NRBP1: variants seen among roughly 807,000 people sequenced by gnomAD.
The protein encoded by NRBP1 is nuclear receptor-binding protein.
Under a neutral mutation model 76.0 loss-of-function variants are expected in NRBP1, and 10 were observed. The observed-to-expected ratio is 0.13, with a 90% CI of 0.08 to 0.22. The LOEUF is 0.22. Ranked by LOEUF, NRBP1 falls within the 10% of genes least tolerant of loss-of-function variation. The pLI is 1.00. For synonymous variants in NRBP1, 235 were observed against 240.2 expected, an observed-to-expected ratio of 0.98 and a Z score of 0.20; for missense variants, 344 against 646.0, an observed-to-expected ratio of 0.53 and a Z score of 5.07.
intron 10 of NRBP1, 77 bp downstream of exon 10, chr2:27,437,437 G>C: frequency 9.5e-7 from 1 of 1,050,000 alleles, no homozygotes; most frequent in South Asian, 1.3e-5. Flanking sequence ...GTACCCACTG[G>C]GTATATGCTC....
chr2:27,436,778 T>C lies in NRBP1; in HGVS notation c.687T>C (p.His229=). Residue 229 remains histidine, a synonymous_variant, in exon 8 of 18, where the codon CAT becomes CAC. Coordinates refer to ENST00000379852, the MANE Select transcript of NRBP1 (RefSeq NM_013392.4). ...GSVAPDTINN[H]VKTCREEQKN... ...TGGCTCCTGACACTATCAACAATCA[T>C]GTGAAGACTTGTCGAGAAGAGCAGA... The C allele has an allele frequency of 2.5e-6, 4 of 1,614,130 alleles. No individual in the cohort carries two copies. Among genetic ancestry groups the C allele is most frequent in the Admixed American group, 3.3e-5 (2 of 60,022 alleles).
intron 7 of NRBP1, chr2:27,435,960 C>T (rs1273656895): frequency 3.3e-6 from 2 of 606,320 alleles, no homozygotes; most frequent in Admixed American, 2.8e-5. Flanking sequence ...GGCCACTTAC[C>T]TCCTGGATTC....
Position 27,441,770 on chromosome 2 carries a change from G to C in NRBP1, c.1566G>C (p.Arg522Ser), listed in dbSNP as rs1003536519. 1 of 1,613,944 alleles carries C rather than the reference G, an allele frequency of 6.2e-7. No individual in the cohort carries two copies. Residue 522 changes from arginine (R) to serine (S), a missense_variant, in exon 18 of 18, where the codon AGG becomes AGC. Physicochemically the swap from Arg to Ser is moderately radical, Grantham distance 110 (BLOSUM62 -1). Coordinates refer to ENST00000379852, the MANE Select transcript of NRBP1 (RefSeq NM_013392.4). Reference sequence around the variant, plus strand: ...CCTTGAACAAGTTCAATTTTGCCAGGAACAGTACCCTCAACTCAGCCGCTG... The same window carrying C: ...CCTTGAACAAGTTCAATTTTGCCAGCAACAGTACCCTCAACTCAGCCGCTG... ...EETLNKFNFA[R>S]NSTLNSAAVT...
intron 13 of NRBP1, 47 bp downstream of exon 13, chr2:27,440,749 T>C (rs763041833): frequency 6.2e-7 from 1 of 1,613,552 alleles, no homozygotes; most frequent in Non-Finnish European, 8.5e-7. Context: ...GCAGGCGGGG[T>C]TGGGTATCCT....
intron 10 of NRBP1, among the ~76,000 whole-genome samples, chr2:27,439,167 A>G (rs542836660): frequency 1.7e-3 from 262 of 152,232 alleles, no homozygotes; most frequent in African/African-American, 6.1e-3. Context: ...GTTGACTAAT[A>G]AAGCAGAGAG....
chr2:27,439,836 C>A lies in NRBP1; in HGVS notation c.974C>A (p.Pro325Gln). ...RPTARELLFH[P>Q]ALFEVPSLKL... ...ACAGCCAGAGAACTTCTGTTCCACC[C>A]AGCATTGTTTGAAGTGCCCTCGCTC... The change falls in exon 11 of 18, where the codon CCA (proline) becomes CAA (glutamine). Residue 325 changes from proline to glutamine, a missense_variant. Pro to Gln is a moderately conservative substitution (Grantham distance 76). Transcript: ENST00000379852. 1 of 1,614,140 alleles carries A rather than the reference C, an allele frequency of 6.2e-7. No individual in the cohort carries two copies. Among genetic ancestry groups the A allele is most frequent in the Middle Eastern group, 1.6e-4 (1 of 6,062 alleles).
At chr2:27,439,940 G>A in intron 11 of NRBP1, 42 bp downstream of exon 11, 10 of 1,552,834 alleles carry the variant, frequency 6.4e-6, no homozygotes, top group Non-Finnish European at 7.9e-6. Flanking sequence ...TTCCAATCTG[G>A]AGCCCTGTAA....
intron 4 of NRBP1, 92 bp from the exon 5 acceptor site, chr2:27,434,377 GAA>G: frequency 1.0e-6 from 1 of 958,732 alleles, no homozygotes; most frequent in Non-Finnish European, 1.6e-6. Flanking sequence ...CAAAAGGAGA[GAA>G]ATTTTAACAA....
intron 1 of NRBP1, among the ~76,000 whole-genome samples, chr2:27,432,883 C>T (rs1486589971): frequency 6.6e-6 from 1 of 151,706 alleles, no homozygotes; most frequent in Non-Finnish European, 1.5e-5. Context: ...AGCTGGATTA[C>T]TAAATTTTTT....
At chr2:27,434,915 G>C in intron 6 of NRBP1, 153 bp downstream of exon 6, 1 of 796,636 alleles carries the variant, frequency 1.3e-6, no homozygotes, top group Non-Finnish European at 2.1e-6. Flanking sequence ...GTCTTTTAAA[G>C]GGTGCGTCCT....
In NRBP1 at chr2:27,434,042, T is replaced by C; in HGVS notation, c.387T>C (p.Ile129=). ...TGATTCAATTGGAGCATCTTAACAT[T>C]GTTAAGTTTCACAAATATTGGGCTG... ...DNLIQLEHLN[I]VKFHKYWADI... is the part of the protein sequence containing the mutation. The change falls in exon 4 of 18, where the codon ATT becomes ATC. Residue 129 remains isoleucine, a synonymous_variant. Transcript: ENST00000379852. 1 of 1,614,186 alleles carries C rather than the reference T, an allele frequency of 6.2e-7. No homozygotes were observed. Among genetic ancestry groups the C allele is most frequent in the Non-Finnish European group, 8.5e-7 (1 of 1,180,012 alleles).
intron 1 of NRBP1, 142 bp from the exon 2 acceptor site, chr2:27,433,112 C>T: frequency 1.8e-6 from 1 of 566,078 alleles, no homozygotes; most frequent in Admixed American, 2.9e-5. Flanking sequence ...CTCCTGACCT[C>T]AGGTGATCTG....
chr2:27,436,623 ATGTT>A, intron 7 of NRBP1, 126 bp from the exon 8 acceptor site: 1 of 713,088 alleles, frequency 1.4e-6, no homozygotes. Flanking sequence ...GAAAGGGAAT[ATGTT>A]TGTGCCTGTT....
intron 8 of NRBP1, 95 bp downstream of exon 8, chr2:27,436,931 C>T (rs1363002319): frequency 7.7e-6 from 11 of 1,437,622 alleles, no homozygotes; most frequent in Admixed American, 5.5e-5. Context: ...AACTTCTAGG[C>T]CTTCTCTACC....
At position 27,437,299 on chromosome 2, in the gene NRBP1, C is replaced by T; in HGVS notation, c.842C>T (p.Ser281Leu). The T allele has an allele frequency of 6.2e-7, 1 of 1,613,864 alleles. No homozygotes were observed. The highest frequency in any genetic ancestry group is 8.5e-7 in the Non-Finnish European group (1 of 1,179,892). The change falls in exon 10 of 18, where the codon TCA (serine) becomes TTA (leucine). Residue 281 changes from serine (S) to leucine (L), a missense_variant. Ser to Leu is a moderately radical substitution (Grantham distance 145). This residue lies in a region of NRBP1 where 218 missense variants were observed against 309.8 expected (regional missense o/e 0.70). Transcript: ENST00000379852. ...GAGATTCAGGGCAATGGAGAGTCCT[C>T]ATATGTGCCACAGGAAGCCATCAGC... ...VLEIQGNGES[S>L]YVPQEAISSA...
chr2:27,441,535 A>G, intron 16 of NRBP1, 32 bp from the exon 17 acceptor site: 2 of 1,612,942 alleles, frequency 1.2e-6, no homozygotes, highest in Non-Finnish European at 1.7e-6. Flanking sequence ...TCAGTCCCGT[A>G]CTGTACTCAC....
At position 27,439,918 on chromosome 2, in the gene NRBP1, TGG is replaced by T. The variant is rs763695428; in HGVS notation, c.1036+23_1036+24del. ...ACCAACGTGAGTCGTCTTGGCCCTA[TGG>T]GGAATAGTCTTCCAATCTGGAGCCC... On this transcript the variant is annotated intron_variant, in intron 11 of 17. Coordinates refer to ENST00000379852, the MANE Select transcript of NRBP1 (RefSeq NM_013392.4). 1.3e-6 allele frequency: 2 copies of T among 1,588,546 alleles called. No homozygotes were observed. The highest frequency in any genetic ancestry group is 2.7e-5 in the African/African-American group (2 of 74,118).
At position 27,440,883 on chromosome 2, in the gene NRBP1, C is replaced by T. The variant is rs1222643092; in HGVS notation, c.1272C>T (p.Val424=). 3 of 1,614,074 alleles carry T rather than the reference C, an allele frequency of 1.9e-6. No homozygotes were observed. The highest frequency in any genetic ancestry group is 2.2e-5 in the East Asian group (1 of 44,874). Reference sequence around the variant, plus strand: ...AGCAGGAGGAGGTGACATCACCTGTCGTGCCCCCCTCTGTCAAGACTCCGA... The same window carrying T: ...AGCAGGAGGAGGTGACATCACCTGTTGTGCCCCCCTCTGTCAAGACTCCGA... ...QPQQEEVTSP[V]VPPSVKTPTP... The change falls in exon 14 of 18, where the codon GTC becomes GTT. Residue 424 remains valine (V), a synonymous_variant. Transcript: ENST00000379852.
intron 11 of NRBP1, 94 bp downstream of exon 11, chr2:27,439,992 ATTCTTTTTTTTT>A: frequency 4.3e-6 from 1 of 234,436 alleles, no homozygotes; most frequent in Non-Finnish European, 7.0e-6. Context: ...TTCCAAAGGG[ATTCTTTTTTTTT>A]TTTTTTTTTT....
Sources: gnomAD v4.1 joint callset for allele counts (sites outside exome capture counted in the v4.1 genomes callset) on GRCh38, gnomAD v4.1.1 for gene constraint, gnomAD v4.1.1 regional missense constraint, MANE v1.5 for transcripts, NCBI Gene and HGNC (gene_info 2026-07-23, HGNC 2026-07-21) for gene names.